Variants in HIP1 observed in about 807,000 individuals in gnomAD.
The protein encoded by HIP1 is huntingtin interacting protein 1, also known as huntingtin-interacting protein 1.
In HIP1, 65 loss-of-function variants were observed where a neutral mutation model predicts 147.6. The observed-to-expected ratio is 0.44, with a 90% CI of 0.36 to 0.54. The LOEUF is 0.54. Ranked by LOEUF, HIP1 falls within the 20% of genes least tolerant of loss-of-function variation. HIP1 has a pLI of 0.00. For missense variants in HIP1, 1,061 were observed against 1,299.6 expected, an observed-to-expected ratio of 0.82 and a Z score of 2.82; for synonymous variants, 479 against 504.0, an observed-to-expected ratio of 0.95 and a Z score of 0.67.
In HIP1 at chr7:75,559,840, G is replaced by A. The variant is rs1026913246; in HGVS notation, c.1267C>T (p.Arg423Trp). The change falls in exon 14 of 31, where the codon CGG becomes TGG. Residue 423 changes from arginine (R) to tryptophan (W), a missense_variant. Physicochemically the swap from Arg to Trp is moderately radical, Grantham distance 101 (BLOSUM62 -3). This residue lies in a region of HIP1 where 810 missense variants were observed against 946.8 expected (regional missense o/e 0.86). Transcript: ENST00000336926. ...EADLAEQQHL[R>W]QQAADDCEFL... is the part of the protein sequence containing the mutation. Reference sequence around the variant, plus strand: ...TCACAGTCGTCGGCCGCCTGCTGCCGCAGGTGCTGCTGCTCGGCCAGATCT... The same window carrying A: ...TCACAGTCGTCGGCCGCCTGCTGCCACAGGTGCTGCTGCTCGGCCAGATCT... 1.2e-6 allele frequency: 2 copies of A among 1,612,676 alleles called. No individual in the cohort carries two copies. Among genetic ancestry groups the A allele is most frequent in the Non-Finnish European group, 1.7e-6 (2 of 1,179,884 alleles).
In HIP1 at chr7:75,687,421, G is replaced by A. The variant is rs569951129; in HGVS notation, c.120+51380C>T. Among the ~76,000 whole-genome samples, 11 of 152,334 alleles carry A rather than the reference G, an allele frequency of 7.2e-5. 1 individual carries two copies. Among genetic ancestry groups the A allele is most frequent in the African/African-American group, 2.6e-4 (11 of 41,580 alleles). On this transcript the variant is annotated intron_variant, in intron 1 of 30. Coordinates refer to ENST00000336926, the MANE Select transcript of HIP1 (RefSeq NM_005338.7). ...CTAAAACACATCTGGGCCGGGCACG[G>A]TGGCTCATGCCTGTAATCTCATCAC...
chr7:75,611,879 C>G lies in HIP1; in HGVS notation c.121-12632G>C, dbSNP rs1004977874. ...CGCAGGAAGGGCGCCTTTCTCCCAGCCTCTCTTCCTCCCTCCCCAGCACTC... is the reference window on the plus strand; with the variant it reads ...CGCAGGAAGGGCGCCTTTCTCCCAGGCTCTCTTCCTCCCTCCCCAGCACTC... On this transcript the variant is annotated intron_variant, in intron 1 of 30. Coordinates refer to ENST00000336926, the MANE Select transcript of HIP1 (RefSeq NM_005338.7). 4 of 1,017,012 alleles carry G rather than the reference C, an allele frequency of 3.9e-6. No homozygotes were observed. The African/African-American group carries it at 6.9e-5, about 17-fold the overall frequency. The allele number at this position is 1,017,012 out of a possible 1,614,324, so 63.0% of individuals were successfully genotyped here.
intron 1 of HIP1, among the ~76,000 whole-genome samples, chr7:75,610,028 G>A (rs1584875987): frequency 6.6e-6 from 1 of 151,240 alleles, no homozygotes; most frequent in East Asian, 1.9e-4. Flanking sequence ...TCAGCCTCCG[G>A]AGTAGCTGGG....
rs10658504 is a variant in HIP1 at position 75,596,235 on chromosome 7, C to CAAAA, written c.184+2945_184+2948dup. 6.7e-3 allele frequency among the ~76,000 whole-genome samples: 396 copies of CAAAA among 58,978 alleles called. 11 individuals carry two copies. Among genetic ancestry groups the CAAAA allele is most frequent in the African/African-American group, 0.012 (185 of 14,922 alleles). The allele number at this position is 58,978 out of a possible 152,430, so 38.7% of individuals were successfully genotyped here. ...TGGGTGACAGTGCATGACCCTGCCTCAAAAAAAAAAAAAAAAAAAAAAGCT... is the reference window on the plus strand; with the variant it reads ...TGGGTGACAGTGCATGACCCTGCCTCAAAAAAAAAAAAAAAAAAAAAAAAAAGCT... On this transcript the variant is annotated intron_variant, in intron 2 of 30. Coordinates refer to ENST00000336926, the MANE Select transcript of HIP1 (RefSeq NM_005338.7).
chr7:75,535,924 G>C lies in HIP1; in HGVS notation c.*2248C>G. 1 of 174,354 alleles carries C rather than the reference G, an allele frequency of 5.7e-6. No homozygotes were observed. The highest frequency in any genetic ancestry group is 1.2e-5 in the Non-Finnish European group (1 of 80,866). 10.8% of individuals were successfully genotyped at this position (174,354 alleles called of 1,614,324 possible). A position where few individuals can be genotyped will look rare whatever the true frequency, so the allele number is the denominator to read the frequency against. ...GATGGGGGTTTCACCATGTTGGACA[G>C]GCTGGTCTTGAACTCCTGACCTCAG... On this transcript the variant is annotated 3_prime_UTR_variant, in exon 31 of 31. Transcript: ENST00000336926.
Position 75,696,229 on chromosome 7 carries a change from C to G in HIP1, c.120+42572G>C, listed in dbSNP as rs548726729. ...TCTCGAACTCCTGGGCTAAAGCTAT[C>G]CACCCACTTCGGCTTCCCAAAGTGC... is the stretch of plus-strand genomic sequence containing the variant. On this transcript the variant is annotated intron_variant, in intron 1 of 30. Transcript: ENST00000336926. 9.5e-4 allele frequency among the ~76,000 whole-genome samples: 145 copies of G among 152,120 alleles called. 1 individual carries two copies. Among genetic ancestry groups the G allele is most frequent in the African/African-American group, 3.4e-3 (143 of 41,506 alleles).
chr7:75,572,038 C>T (rs1554496716), intron 8 of HIP1, among the ~76,000 whole-genome samples: 1 of 152,040 alleles, frequency 6.6e-6, no homozygotes, highest in Admixed American at 6.6e-5. Flanking sequence ...GGGGAAACCC[C>T]ATCTCTACTA....
chr7:75,664,057 CACATATAT>C lies in HIP1; in HGVS notation c.121-64818_121-64811del, dbSNP rs1563278596. Among the ~76,000 whole-genome samples, 18 of 64,862 alleles carry C rather than the reference CACATATAT, an allele frequency of 2.8e-4. 3 individuals carry two copies. The highest frequency in any genetic ancestry group is 1.0e-3 in the African/African-American group (17 of 16,320). The allele number at this position is 64,862 out of a possible 152,430, so 42.6% of individuals were successfully genotyped here. A position where few individuals can be genotyped will look rare whatever the true frequency, so the allele number is the denominator to read the frequency against. ...ATATATACACATATATGTGTATATA[CACATATAT>C]GTGTATATACACACACATATACACA... is the stretch of plus-strand genomic sequence containing the variant. On this transcript the variant is annotated intron_variant, in intron 1 of 30. Transcript: ENST00000336926.
intron 1 of HIP1, among the ~76,000 whole-genome samples, chr7:75,726,486 T>C (rs782776045): frequency 6.6e-6 from 1 of 152,020 alleles, no homozygotes; most frequent in Non-Finnish European, 1.5e-5. Flanking sequence ...GGTTTCACCT[T>C]GTTAGCCAGG....
intron 1 of HIP1, among the ~76,000 whole-genome samples, chr7:75,725,977 T>C (rs1004186267): frequency 1.3e-4 from 20 of 151,928 alleles, no homozygotes. Flanking sequence ...TGTACCACCA[T>C]GCCCAGTTTT....
chr7:75,719,373 A>G lies in HIP1; in HGVS notation c.120+19428T>C, dbSNP rs567314164. 6.2e-4 allele frequency among the ~76,000 whole-genome samples: 94 copies of G among 152,078 alleles called. 1 individual carries two copies. The highest frequency in any genetic ancestry group is 1.5e-3 in the African/African-American group (63 of 41,494). On this transcript the variant is annotated intron_variant, in intron 1 of 30. Coordinates refer to ENST00000336926, the MANE Select transcript of HIP1 (RefSeq NM_005338.7). ...CAAAAAATTAGCCAGGCAAGGTGGC[A>G]GGCACCTATAGTCCCAGCTACTCAG... is the stretch of plus-strand genomic sequence containing the variant.
intron 1 of HIP1, among the ~76,000 whole-genome samples, chr7:75,716,824 T>G (rs1801336867): frequency 6.7e-6 from 1 of 149,824 alleles, no homozygotes; most frequent in Admixed American, 6.7e-5. Context: ...CAGCTTTTTT[T>G]TAGGGGGGGG....
intron 1 of HIP1, among the ~76,000 whole-genome samples, chr7:75,653,341 C>T (rs1554512229): frequency 2.0e-5 from 3 of 151,988 alleles, no homozygotes; most frequent in African/African-American, 7.2e-5. Context: ...CTCTGTGGAC[C>T]TCAGTGTGTC....
At chr7:75,628,845 T>C (rs587721606) in intron 1 of HIP1, among the ~76,000 whole-genome samples, 1 of 152,304 alleles carries the variant, frequency 6.6e-6, no homozygotes, top group South Asian at 2.1e-4. Flanking sequence ...ACACCTGGCA[T>C]GAGGTCTGGG....
chr7:75,539,329 C>T lies in HIP1; in HGVS notation c.3055G>A (p.Glu1019Lys). 1 of 1,613,472 alleles carries T rather than the reference C, an allele frequency of 6.2e-7. No individual in the cohort carries two copies. The highest frequency in any genetic ancestry group is 1.1e-5 in the South Asian group (1 of 91,052). ...YELAGVAEGW[E>K]EGTEASPPTL... ...ATCCTTGGAGTCAGCTTACCTTCTT[C>T]CCAGCCCTCAGCAACACCAGCAAGC... is the stretch of plus-strand genomic sequence containing the variant. The change falls in exon 30 of 31, where the codon GAA (glutamate) becomes AAA (lysine). Residue 1019 changes from glutamate (E) to lysine (K), a missense_variant. Transcript: ENST00000336926.
intron 7 of HIP1, among the ~76,000 whole-genome samples, chr7:75,576,730 A>C (rs1208484436): frequency 6.6e-6 from 1 of 151,990 alleles, no homozygotes; most frequent in Non-Finnish European, 1.5e-5. Flanking sequence ...AAACAAAAAA[A>C]ACGCCCCAGG....
intron 1 of HIP1, among the ~76,000 whole-genome samples, chr7:75,652,715 A>G (rs1584921836): frequency 6.6e-6 from 1 of 152,082 alleles, no homozygotes; most frequent in African/African-American, 2.4e-5. Context: ...TTATAATGCT[A>G]TATTAGAGTA....
At position 75,563,274 on chromosome 7, in the gene HIP1, A is replaced by G; in HGVS notation, c.804-11T>C. The G allele has an allele frequency of 6.2e-7, 1 of 1,613,812 alleles. No homozygotes were observed. The highest frequency in any genetic ancestry group is 8.5e-7 in the Non-Finnish European group (1 of 1,179,720). ...AACAGATCTTTCAACCTAGGGGTGG[A>G]GAAGGACCTGAGGGGTGCTGGGTGT... On this transcript the variant is annotated splice_polypyrimidine_tract_variant and intron_variant, in intron 9 of 30. Coordinates refer to ENST00000336926, the MANE Select transcript of HIP1 (RefSeq NM_005338.7).
In HIP1 at chr7:75,603,167, C is replaced by T. The variant is rs587608075; in HGVS notation, c.121-3920G>A. On this transcript the variant is annotated intron_variant, in intron 1 of 30. Coordinates refer to ENST00000336926, the MANE Select transcript of HIP1 (RefSeq NM_005338.7). ...TTCAAGACCAGCCTGGCCAACACAG[C>T]GAAACCGTGTCTCTACTAAAAAATA... is the stretch of plus-strand genomic sequence containing the variant. 2.4e-3 allele frequency among the ~76,000 whole-genome samples: 360 copies of T among 151,786 alleles called. 3 individuals carry two copies. The highest frequency in any genetic ancestry group is 3.9e-3 in the Non-Finnish European group (268 of 67,934).
Sources: allele counts gnomAD v4.1 joint callset (sites outside exome capture counted in the v4.1 genomes callset), GRCh38; gene constraint gnomAD v4.1.1; regional missense constraint gnomAD v4.1.1; transcripts MANE v1.5; gene names NCBI Gene and HGNC (gene_info 2026-07-23, HGNC 2026-07-21).